KIF26B: variants seen among roughly 807,000 people sequenced by gnomAD.
KIF26B encodes the protein kinesin-like protein KIF26B.
Under a neutral mutation model 151.2 loss-of-function variants are expected in KIF26B, and 63 were observed. The ratio of observed to expected loss-of-function variants is 0.42; its 90% CI spans 0.34 to 0.51. KIF26B has a LOEUF of 0.51. Among genes scored for constraint, KIF26B ranks in the 20% least tolerant of loss-of-function variants. KIF26B has a pLI of 0.07. For missense variants in KIF26B, 2,813 were observed against 2,913.6 expected (o/e 0.97, Z 0.79); for synonymous variants, 1,357 against 1,262.1 (o/e 1.08, Z -1.59).
At chr1:245,610,588 C>A (rs536359449) in intron 8 of KIF26B, among the ~76,000 whole-genome samples, 1 of 152,186 alleles carries the variant, frequency 6.6e-6, no homozygotes, top group Admixed American at 6.5e-5. Flanking sequence ...CAGTAGGACT[C>A]GACCCACTGC....
chr1:245,521,911 GC>G (rs1166097644), intron 4 of KIF26B, among the ~76,000 whole-genome samples: 6 of 145,690 alleles, frequency 4.1e-5, no homozygotes, highest in African/African-American at 9.7e-5. Flanking sequence ...TGTCACCCAG[GC>G]TGGATGGAGT....
rs189069182 is a variant in KIF26B at position 245,401,139 on chromosome 1, G to T, written c.1000-18440G>T. Among the ~76,000 whole-genome samples the T allele has an allele frequency of 7.6e-4, 116 of 152,288 alleles. No individual in the cohort carries two copies. The Middle Eastern group carries it at 0.024, about 31-fold the overall frequency. On this transcript the variant is annotated intron_variant, in intron 3 of 14. Transcript: ENST00000407071. ...CCTGAACTCACTTCAAAAGCGACTT[G>T]TTTTTTGAAATCTTTGTAAAAAGCT...
chr1:245,558,358 G>C (rs1662085705), intron 5 of KIF26B, among the ~76,000 whole-genome samples: 1 of 151,066 alleles, frequency 6.6e-6, no homozygotes, highest in African/African-American at 2.5e-5. Flanking sequence ...GTAGTTTTTG[G>C]TGCTGCAAAG....
chr1:245,610,433 G>A (rs531465187), intron 8 of KIF26B, among the ~76,000 whole-genome samples: 1 of 152,274 alleles, frequency 6.6e-6, no homozygotes, highest in East Asian at 1.9e-4. Flanking sequence ...AATTCAGTAG[G>A]TCTAGAGTAG....
At chr1:245,661,606 G>GAT (rs752554098) in intron 10 of KIF26B, among the ~76,000 whole-genome samples, 6 of 148,048 alleles carry the variant, frequency 4.1e-5, no homozygotes, top group Admixed American at 2.0e-4. Flanking sequence ...TACACCCAAT[G>GAT]ATATATATAT....
At chr1:245,584,151 G>A (rs971452925) in intron 5 of KIF26B, among the ~76,000 whole-genome samples, 25 of 152,028 alleles carry the variant, frequency 1.6e-4, no homozygotes, top group African/African-American at 4.6e-4. Context: ...CCCAAGATCC[G>A]GTCATTTAAA....
chr1:245,452,720 G>A (rs1393993451), intron 4 of KIF26B, among the ~76,000 whole-genome samples: 1 of 151,900 alleles, frequency 6.6e-6, no homozygotes, highest in African/African-American at 2.4e-5. Context: ...ATCTCTTCAT[G>A]TGTTTACTGG....
chr1:245,400,823 T>C (rs553038497), intron 3 of KIF26B, among the ~76,000 whole-genome samples: 113 of 152,292 alleles, frequency 7.4e-4, no homozygotes, highest in African/African-American at 2.4e-3. Context: ...AAACCCCAAA[T>C]TCCATATGTG....
intron 4 of KIF26B, among the ~76,000 whole-genome samples, chr1:245,490,150 G>A (rs1660372963): frequency 6.6e-6 from 1 of 152,126 alleles, no homozygotes; most frequent in Non-Finnish European, 1.5e-5. Context: ...AACTTGGCAG[G>A]AAATAGTGTT....
At chr1:245,383,215 A>G (rs1002897362) in intron 3 of KIF26B, among the ~76,000 whole-genome samples, 1 of 152,070 alleles carries the variant, frequency 6.6e-6, no homozygotes, top group African/African-American at 2.4e-5. Flanking sequence ...CCCCTGAAAA[A>G]CAGCAGTGGA....
chr1:245,606,518 C>T lies in KIF26B; in HGVS notation c.1558-1133C>T, dbSNP rs912842359. 2.0e-5 allele frequency among the ~76,000 whole-genome samples: 3 copies of T among 152,230 alleles called. No homozygotes were observed. Among genetic ancestry groups the T allele is most frequent in the African/African-American group, 7.2e-5 (3 of 41,454 alleles). On this transcript the variant is annotated intron_variant, in intron 6 of 14. Coordinates refer to ENST00000407071, the MANE Select transcript of KIF26B (RefSeq NM_018012.4). The surrounding 1 kb of genome is among the most constrained non-coding windows in gnomAD (Gnocchi z 4.6). ...CTCAGGTGCTAAACAAAGAGAAGGA[C>T]ATTTCCCAGATCTCCAAGTTAGTCC...
intron 4 of KIF26B, among the ~76,000 whole-genome samples, chr1:245,470,697 TG>T (rs1434843602): frequency 6.6e-6 from 1 of 152,172 alleles, no homozygotes; most frequent in Non-Finnish European, 1.5e-5. Context: ...CCCAAAGTGC[TG>T]GGATTACAGG....
intron 9 of KIF26B, among the ~76,000 whole-genome samples, chr1:245,621,085 A>C (rs935091125): frequency 6.6e-6 from 1 of 152,162 alleles, no homozygotes; most frequent in African/African-American, 2.4e-5. Flanking sequence ...CGCATCCCAG[A>C]GTGCGTGCTG....
intron 2 of KIF26B, among the ~76,000 whole-genome samples, chr1:245,210,378 G>A (rs1195006328): frequency 1.3e-5 from 2 of 152,200 alleles, no homozygotes; most frequent in African/African-American, 2.4e-5. Flanking sequence ...ACAGGCTTGC[G>A]GCTGCTGGAT....
At chr1:245,371,940 C>T (rs1475263631) in intron 3 of KIF26B, among the ~76,000 whole-genome samples, 1 of 152,146 alleles carries the variant, frequency 6.6e-6, no homozygotes, top group African/African-American at 2.4e-5. Context: ...ATAAGACGGG[C>T]TTTCAAAGAA....
chr1:245,279,252 C>T (rs1340880137), intron 2 of KIF26B, among the ~76,000 whole-genome samples: 1 of 151,910 alleles, frequency 6.6e-6, no homozygotes, highest in Non-Finnish European at 1.5e-5. Context: ...TTTAGGCACT[C>T]ACACTCATCA....
intron 3 of KIF26B, among the ~76,000 whole-genome samples, chr1:245,374,214 G>A (rs1673218549): frequency 1.4e-5 from 2 of 141,154 alleles, no homozygotes; most frequent in South Asian, 2.3e-4. Context: ...CCTCTGCGGT[G>A]CATAACACTT....
intron 2 of KIF26B, among the ~76,000 whole-genome samples, chr1:245,311,005 C>A (rs1257643241): frequency 6.6e-6 from 1 of 152,166 alleles, no homozygotes; most frequent in East Asian, 1.9e-4. Context: ...CACTGTCTTG[C>A]CAGTTCCAAC....
chr1:245,540,514 T>C lies in KIF26B; in HGVS notation c.1167-253T>C. On this transcript the variant is annotated intron_variant, in intron 4 of 14. Transcript: ENST00000407071. This position sits in a 1 kb window ranked among gnomAD's most constrained non-coding sequence, Gnocchi z 4.6. ...TGAATGTTGGTGGATAACACATCATTCTTTGTAAATCGTGATTGCAGAATC... is the reference window on the plus strand; with the variant it reads ...TGAATGTTGGTGGATAACACATCATCCTTTGTAAATCGTGATTGCAGAATC... The C allele has an allele frequency of 2.9e-6, 2 of 678,400 alleles. No homozygotes were observed. The highest frequency in any genetic ancestry group is 3.0e-5 in the South Asian group (2 of 66,540). The allele number at this position is 678,400 out of a possible 1,614,324, so 42.0% of individuals were successfully genotyped here.
Sources: gnomAD v4.1 joint callset for allele counts (sites outside exome capture counted in the v4.1 genomes callset) on GRCh38, gnomAD v4.1.1 for gene constraint, Gnocchi (gnomAD v3.1) non-coding constraint, MANE v1.5 for transcripts, NCBI Gene and HGNC (gene_info 2026-07-23, HGNC 2026-07-21) for gene names.